SEC14L1: variants seen among roughly 807,000 people sequenced by gnomAD.
The protein encoded by SEC14L1 is SEC14 like lipid binding 1.
A neutral mutation model predicts 85.3 loss-of-function variants in SEC14L1; 48 were observed. That is an observed-to-expected ratio of 0.56 (90% CI 0.45 to 0.72). SEC14L1 has a LOEUF of 0.72. SEC14L1 is among the 30% of genes least tolerant of loss of function. The pLI is 0.00. For synonymous variants in SEC14L1, 391 were observed against 355.5 expected (o/e 1.10, Z -1.12); for missense variants, 682 against 921.4 (o/e 0.74, Z 3.36).
upstream of SEC14L1, among the ~76,000 whole-genome samples, chr17:77,136,115 C>G (rs1279753925): frequency 6.6e-6 from 1 of 151,898 alleles, no homozygotes; most frequent in South Asian, 2.1e-4. Context: ...GACCTTGTGA[C>G]CTGCCCGCCT....
At chr17:77,110,695 A>C (rs967599659) in intron 3 of SEC14L1, among the ~76,000 whole-genome samples, 2 of 151,450 alleles carry the variant, frequency 1.3e-5, no homozygotes, top group African/African-American at 2.4e-5. Flanking sequence ...CCTGGCTAAC[A>C]GGGTGAAACC....
At chr17:77,160,985 TG>T (rs1974029972) in intron 3 of SEC14L1, among the ~76,000 whole-genome samples, 1 of 152,304 alleles carries the variant, frequency 6.6e-6, no homozygotes, top group South Asian at 2.1e-4. Context: ...AGTAAAACGA[TG>T]GGAGTAGTGA....
intron 10 of SEC14L1, among the ~76,000 whole-genome samples, chr17:77,204,798 A>G (rs1377893441): frequency 3.3e-5 from 5 of 152,116 alleles, no homozygotes; most frequent in Non-Finnish European, 7.4e-5. Flanking sequence ...GCACACGTTC[A>G]CACATAAAGA....
Position 77,211,774 on chromosome 17 carries a change from G to A in SEC14L1, c.1612-176G>A, listed in dbSNP as rs1465281403. 3.9e-6 allele frequency: 3 copies of A among 769,798 alleles called. No individual in the cohort carries two copies. In the East Asian group the frequency reaches 7.6e-5, roughly 20 times the overall value. 47.7% of individuals were successfully genotyped at this position (769,798 alleles called of 1,614,324 possible). Reference sequence around the variant, plus strand: ...TGCATGACATGTAGCAGGATCCAGCGGTTGAATGGATGGTGGTGTGTGACT... The same window carrying A: ...TGCATGACATGTAGCAGGATCCAGCAGTTGAATGGATGGTGGTGTGTGACT... On this transcript the variant is annotated intron_variant, in intron 14 of 16. Transcript: ENST00000436233.
chr17:77,164,874 C>A (rs1370480328), intron 3 of SEC14L1, among the ~76,000 whole-genome samples: 1 of 152,210 alleles, frequency 6.6e-6, no homozygotes, highest in Non-Finnish European at 1.5e-5. Context: ...CCTCCCAGAA[C>A]TGTGGGAACA....
chr17:77,160,532 G>A (rs2139460), intron 3 of SEC14L1, among the ~76,000 whole-genome samples: 150,757 of 152,348 alleles, frequency 0.99, 74,614 homozygotes, highest in East Asian at 1. Flanking sequence ...AAAACCTTTC[G>A]TAGCCCTGTA....
chr17:77,142,503 A>C (rs1973101392), intron 1 of SEC14L1, 143 bp from the exon 2 acceptor site: 1 of 139,382 alleles, frequency 7.2e-6, no homozygotes, highest in African/African-American at 2.7e-5. Flanking sequence ...GGCTGCAGTG[A>C]GTGGAGATTG....
rs750279972 is a variant in SEC14L1 at position 77,213,756 on chromosome 17, C to T, written c.2043-162C>T. The stretch of plus-strand genomic sequence containing the variant: ...TGCGTGCAGGCTGTGGGAAGCCGGT[C>T]CCCCTGGTGGGTTACTCATGTCCAT... On this transcript the variant is annotated intron_variant, in intron 16 of 16. Transcript: ENST00000436233. This position sits in a 1 kb window ranked among gnomAD's most constrained non-coding sequence, Gnocchi z 7.1. The T allele has an allele frequency of 6.5e-5, 63 of 975,808 alleles. No homozygotes were observed. The highest frequency in any genetic ancestry group is 9.7e-5 in the Non-Finnish European group (61 of 629,906). The allele number at this position is 975,808 out of a possible 1,614,324, so 60.4% of individuals were successfully genotyped here.
intron 3 of SEC14L1, among the ~76,000 whole-genome samples, chr17:77,177,763 T>G (rs1266929338): frequency 6.6e-6 from 1 of 152,190 alleles, no homozygotes; most frequent in Non-Finnish European, 1.5e-5. Flanking sequence ...TTTTTGTTTT[T>G]ATTCTTGTTT....
rs34186028 is a variant in SEC14L1 at position 77,158,798 on chromosome 17, CTTTTTTTTTTTTTTTTT to C, written c.63+15156_63+15172del. On this transcript the variant is annotated intron_variant, in intron 3 of 16. Transcript: ENST00000436233. ...CAATTACATTTTATAGCTTTCTTTC[CTTTTTTTTTTTTTTTTT>C]TTTTTTTTTTTTTTTTGAGACAGTC... Among the ~76,000 whole-genome samples, 119 of 39,252 alleles carry C rather than the reference CTTTTTTTTTTTTTTTTT, an allele frequency of 3.0e-3. 1 individual carries two copies. The highest frequency in any genetic ancestry group is 9.4e-3 in the Admixed American group (25 of 2,646). The allele number at this position is 39,252 out of a possible 152,430, so 25.8% of individuals were successfully genotyped here.
At chr17:77,107,855 A>G (rs888979077) in intron 3 of SEC14L1, among the ~76,000 whole-genome samples, 1 of 152,222 alleles carries the variant, frequency 6.6e-6, no homozygotes, top group African/African-American at 2.4e-5. Context: ...GAAAGGAGCC[A>G]TGCTGGCTGG....
At chr17:77,158,154 C>T (rs539725059) in intron 3 of SEC14L1, among the ~76,000 whole-genome samples, 1 of 152,338 alleles carries the variant, frequency 6.6e-6, no homozygotes, top group Admixed American at 6.5e-5. Context: ...TTCCAAAGTG[C>T]TGGGATTACA....
intron 3 of SEC14L1, among the ~76,000 whole-genome samples, chr17:77,154,757 T>C (rs1973733930): frequency 6.6e-6 from 1 of 152,178 alleles, no homozygotes; most frequent in African/African-American, 2.4e-5. Flanking sequence ...ACATCTGCCC[T>C]GTTTTTCAGT....
intron 3 of SEC14L1, among the ~76,000 whole-genome samples, chr17:77,104,601 C>T (rs1373836140): frequency 6.7e-6 from 1 of 149,688 alleles, no homozygotes; most frequent in Non-Finnish European, 1.5e-5. Context: ...ACCATCCTGG[C>T]CAAGATGGTG....
intron 3 of SEC14L1, among the ~76,000 whole-genome samples, chr17:77,114,367 T>C (rs1283813882): frequency 6.8e-6 from 1 of 147,554 alleles, no homozygotes; most frequent in Non-Finnish European, 1.5e-5. Flanking sequence ...CTACCAAAAA[T>C]ACAAAAATTA....
intron 2 of SEC14L1, among the ~76,000 whole-genome samples, chr17:77,091,628 G>A (rs550064074): frequency 6.6e-6 from 1 of 152,182 alleles, no homozygotes; most frequent in Non-Finnish European, 1.5e-5. Context: ...GCTAGTGGCT[G>A]CTGTGTTGGT....
chr17:77,182,682 A>G (rs1233325915), intron 3 of SEC14L1, among the ~76,000 whole-genome samples: 1 of 152,168 alleles, frequency 6.6e-6, no homozygotes, highest in African/African-American at 2.4e-5. Context: ...TGATTAGGAA[A>G]TGGCTGGATG....
chr17:77,213,175 C>A lies in SEC14L1; in HGVS notation c.1864-139C>A. 1 of 715,984 alleles carries A rather than the reference C, an allele frequency of 1.4e-6. No individual in the cohort carries two copies. Among genetic ancestry groups the A allele is most frequent in the Non-Finnish European group, 2.3e-6 (1 of 442,680 alleles). 44.4% of individuals were successfully genotyped at this position (715,984 alleles called of 1,614,324 possible). A position where few individuals can be genotyped will look rare whatever the true frequency, so the allele number is the denominator to read the frequency against. On this transcript the variant is annotated intron_variant, in intron 15 of 16. Transcript: ENST00000436233. This position sits in a 1 kb window ranked among gnomAD's most constrained non-coding sequence, Gnocchi z 7.1. The stretch of plus-strand genomic sequence containing the variant: ...CAAACCTGCTGCTGAAGCAAAATAG[C>A]AGGTTCTGAATCCCATTGAGATAGT...
chr17:77,112,652 G>A (rs1384101946), intron 3 of SEC14L1, among the ~76,000 whole-genome samples: 3 of 152,140 alleles, frequency 2.0e-5, no homozygotes, highest in African/African-American at 7.2e-5. Context: ...TTGGGAGGCC[G>A]AGGTGGGTGG....
Sources: gnomAD v4.1 joint callset for allele counts (sites outside exome capture counted in the v4.1 genomes callset) on GRCh38, gnomAD v4.1.1 for gene constraint, Gnocchi (gnomAD v3.1) non-coding constraint, MANE v1.5 for transcripts, NCBI Gene and HGNC (gene_info 2026-07-23, HGNC 2026-07-21) for gene names.